KATNAL1: variants seen among roughly 807,000 people sequenced by gnomAD.
KATNAL1 encodes katanin p60 ATPase-containing subunit A-like 1.
In KATNAL1, 32 loss-of-function variants were observed where a neutral mutation model predicts 55.2. That is an observed-to-expected ratio of 0.58 (90% CI 0.44 to 0.78). The LOEUF (loss-of-function observed/expected upper bound fraction) is 0.78, where lower values mean the gene tolerates loss of function less well. KATNAL1 is among the 30% of genes least tolerant of loss of function. The pLI is 0.00. For missense variants in KATNAL1, 466 were observed against 600.9 expected (o/e 0.78, Z 2.35); for synonymous variants, 193 against 193.6 (o/e 1.00, Z 0.02).
At position 30,274,897 on chromosome 13, in the gene KATNAL1, GCGCGCGCGCGCACA is replaced by G. The variant is rs1232400810; in HGVS notation, c.323+5152_323+5165del. Among the ~76,000 whole-genome samples the G allele has an allele frequency of 2.7e-3, 278 of 104,008 alleles. 3 individuals are homozygous for G. Among genetic ancestry groups the G allele is most frequent in the African/African-American group, 0.011 (257 of 22,854 alleles). 68.2% of individuals were successfully genotyped at this position (104,008 alleles called of 152,430 possible). A position where few individuals can be genotyped will look rare whatever the true frequency, so the allele number is the denominator to read the frequency against. On this transcript the variant is annotated intron_variant, in intron 3 of 10. Coordinates refer to ENST00000380615, the MANE Select transcript of KATNAL1 (RefSeq NM_032116.5). ...GGGGTGTGTGCACACACATACGCGC[GCGCGCGCGCGCACA>G]CACACACACACACACACACACACAC... is the stretch of plus-strand genomic sequence containing the variant.
In KATNAL1 at chr13:30,280,041, G is replaced by A. The variant is rs771852480; in HGVS notation, c.323+22C>T. 8.8e-6 allele frequency: 14 copies of A among 1,589,770 alleles called. No homozygotes were observed. The Admixed American group carries it at 1.7e-4, about 19-fold the overall frequency. The stretch of plus-strand genomic sequence containing the variant: ...CATCAATTAACTAGAAGCACCTAAA[G>A]AGAATATAAAGTCCTATTTACCTGT... On this transcript the variant is annotated intron_variant, in intron 3 of 10. Coordinates refer to ENST00000380615, the MANE Select transcript of KATNAL1 (RefSeq NM_032116.5).
At chr13:30,268,415 G>A (rs1040545467) in intron 3 of KATNAL1, among the ~76,000 whole-genome samples, 17 of 152,108 alleles carry the variant, frequency 1.1e-4, no homozygotes, top group South Asian at 4.2e-4. Context: ...AAAAATTTTC[G>A]AGCAAAAGAT....
chr13:30,208,805 A>G, intron 10 of KATNAL1, 67 bp from the exon 11 acceptor site: 1 of 1,047,804 alleles, frequency 9.5e-7, no homozygotes, highest in Non-Finnish European at 1.4e-6. Context: ...CAATTGTAAC[A>G]AAGTTATGAA....
chr13:30,272,355 G>C (rs531282674), intron 3 of KATNAL1, among the ~76,000 whole-genome samples: 1 of 151,962 alleles, frequency 6.6e-6, no homozygotes, highest in Non-Finnish European at 1.5e-5. Flanking sequence ...CTGAGATTGC[G>C]CCACTGCACT....
intron 1 of KATNAL1, among the ~76,000 whole-genome samples, chr13:30,302,933 T>C (rs1248643724): frequency 1.3e-5 from 2 of 152,138 alleles, no homozygotes; most frequent in Non-Finnish European, 1.5e-5. Context: ...GTAAATACAA[T>C]TGGGGGATCA....
At chr13:30,243,608 C>CAAAAAAA (rs139687662) in intron 4 of KATNAL1, among the ~76,000 whole-genome samples, 3 of 86,464 alleles carry the variant, frequency 3.5e-5, no homozygotes, top group African/African-American at 1.2e-4. Context: ...GGTATTAAGC[C>CAAAAAAA]AAAAAAAAAA....
intron 3 of KATNAL1, among the ~76,000 whole-genome samples, chr13:30,258,003 T>C (rs976879047): frequency 1.3e-5 from 2 of 152,232 alleles, no homozygotes; most frequent in Non-Finnish European, 2.9e-5. Context: ...CAGTGACAGC[T>C]TCCAGGCTGT....
chr13:30,259,810 T>C (rs987635917), intron 3 of KATNAL1, among the ~76,000 whole-genome samples: 4 of 152,178 alleles, frequency 2.6e-5, no homozygotes, highest in African/African-American at 7.2e-5. Context: ...GCGCCCACCA[T>C]TGCCCAGGCT....
rs146784184 is a variant in KATNAL1, at chr13:30,212,270, G to A, written c.1148-1828C>T. Among the ~76,000 whole-genome samples, 70 of 152,316 alleles carry A rather than the reference G, an allele frequency of 4.6e-4. 1 individual carries two copies. Among genetic ancestry groups the A allele is most frequent in the African/African-American group, 1.6e-3 (65 of 41,560 alleles). ...ACAGTGAAAACAGATAAGTTACAGA[G>A]TTTGAGAAGATATTTGTAACATATA... is the stretch of plus-strand genomic sequence containing the variant. On this transcript the variant is annotated intron_variant, in intron 9 of 10. Transcript: ENST00000380615.
intron 9 of KATNAL1, 141 bp downstream of exon 9, chr13:30,227,271 G>A (rs1875591948): frequency 3.1e-6 from 2 of 638,882 alleles, no homozygotes; most frequent in Non-Finnish European, 5.2e-6. Context: ...AGAGTACTGT[G>A]GCCTGTGTTC....
intron 3 of KATNAL1, among the ~76,000 whole-genome samples, chr13:30,274,907 G>GCGCGCGCGCACACACACACA (rs869107567): frequency 9.5e-6 from 1 of 105,390 alleles, no homozygotes; most frequent in Admixed American, 9.0e-5. Context: ...GCGCGCGCGC[G>GCGCGCGCGCACACACACACA]CACACACACA....
chr13:30,258,573 A>G (rs1199940754), intron 3 of KATNAL1, among the ~76,000 whole-genome samples: 9 of 152,184 alleles, frequency 5.9e-5, no homozygotes, highest in African/African-American at 2.2e-4. Context: ...TGTAAGTCCA[A>G]TTTATCAATA....
chr13:30,213,150 C>A (rs372232920), intron 9 of KATNAL1, among the ~76,000 whole-genome samples: 1 of 152,124 alleles, frequency 6.6e-6, no homozygotes, highest in Non-Finnish European at 1.5e-5. Context: ...AACACCTCTA[C>A]GCAAATAAAC....
Position 30,283,292 on chromosome 13 carries a change from G to GAATGAAA in KATNAL1, c.162+323_162+324insTTTCATT, listed in dbSNP as rs1491096718. 9.6e-5 allele frequency among the ~76,000 whole-genome samples: 8 copies of GAATGAAA among 83,402 alleles called. No individual in the cohort carries two copies. The South Asian group carries it at 4.0e-3, about 42-fold the overall frequency. 54.7% of individuals were successfully genotyped at this position (83,402 alleles called of 152,430 possible). Reference sequence around the variant, plus strand: ...AAAAAAAAAAAAAAAAAAAAAAAAAGGAATGAATGAATGAAATACTTTATT... The same window carrying GAATGAAA: ...AAAAAAAAAAAAAAAAAAAAAAAAAGAATGAAAGAATGAATGAATGAAATACTTTATT... On this transcript the variant is annotated intron_variant, in intron 2 of 10. Coordinates refer to ENST00000380615, the MANE Select transcript of KATNAL1 (RefSeq NM_032116.5).
chr13:30,233,860 CAT>C (rs1876368045), intron 6 of KATNAL1, among the ~76,000 whole-genome samples: 1 of 152,150 alleles, frequency 6.6e-6, no homozygotes, highest in African/African-American at 2.4e-5. Flanking sequence ...ACACATATCA[CAT>C]GTTTTCATTC....
At chr13:30,237,668 T>C (rs545845130) in intron 6 of KATNAL1, among the ~76,000 whole-genome samples, 4 of 152,320 alleles carry the variant, frequency 2.6e-5, no homozygotes, top group African/African-American at 7.2e-5. Context: ...TCTCACAAGC[T>C]TCAGCCCTGT....
At chr13:30,218,205 A>AAT (rs34056263) in intron 9 of KATNAL1, among the ~76,000 whole-genome samples, 52,269 of 139,270 alleles carry the variant, frequency 0.38, 9,753 homozygotes, top group South Asian at 0.51. Context: ...CAGTAAAAGG[A>AAT]ATATATATAT....
chr13:30,273,426 G>A (rs1880528571), intron 3 of KATNAL1, among the ~76,000 whole-genome samples: 1 of 152,184 alleles, frequency 6.6e-6, no homozygotes, highest in Non-Finnish European at 1.5e-5. Context: ...ATTTGATAAA[G>A]TAACTTAGAA....
chr13:30,255,643 A>T, intron 3 of KATNAL1, 28 bp from the exon 4 acceptor site: 1 of 1,364,242 alleles, frequency 7.3e-7, no homozygotes, highest in Non-Finnish European at 9.5e-7. Context: ...AAAAAAATTA[A>T]AATTAAAATT....
Sources: gnomAD v4.1 joint callset for allele counts (sites outside exome capture counted in the v4.1 genomes callset) on GRCh38, gnomAD v4.1.1 for gene constraint, MANE v1.5 for transcripts, NCBI Gene and HGNC (gene_info 2026-07-23, HGNC 2026-07-21) for gene names.